KCNIP1: variants seen among roughly 807,000 people sequenced by gnomAD.
The protein encoded by KCNIP1 is potassium voltage-gated channel interacting protein 1.
Under a neutral mutation model 33.0 loss-of-function variants are expected in KCNIP1, and 18 were observed. The ratio of observed to expected loss-of-function variants is 0.55; its 90% CI spans 0.38 to 0.81. The LOEUF (loss-of-function observed/expected upper bound fraction) is 0.81, where lower values mean the gene tolerates loss of function less well. KCNIP1 is among the 30% of genes least tolerant of loss of function. The pLI, the probability that KCNIP1 is intolerant of heterozygous loss-of-function variation, is 0.00. For missense variants in KCNIP1, 238 were observed against 271.6 expected, an observed-to-expected ratio of 0.88 and a Z score of 0.87; for synonymous variants, 93 against 98.3, an observed-to-expected ratio of 0.95 and a Z score of 0.32.
chr5:170,628,975 G>A (rs1357052792), intron 1 of KCNIP1, among the ~76,000 whole-genome samples: 1 of 152,190 alleles, frequency 6.6e-6, no homozygotes, highest in African/African-American at 2.4e-5. Flanking sequence ...AGCCCACCCT[G>A]TGCCTCGTCA....
intron 1 of KCNIP1, among the ~76,000 whole-genome samples, chr5:170,613,028 T>G (rs2113621221): frequency 6.6e-6 from 1 of 152,350 alleles, no homozygotes; most frequent in African/African-American, 2.4e-5. Context: ...AGCACATTTT[T>G]CTAGAACTCA....
At chr5:170,483,101 C>G (rs1391306348) in intron 1 of KCNIP1, 2 of 455,230 alleles carry the variant, frequency 4.4e-6, no homozygotes, top group Non-Finnish European at 4.4e-6. Context: ...AGCCGGATAG[C>G]TTGGGCAGTA....
chr5:170,387,388 T>C (rs567285421), intron 1 of KCNIP1, among the ~76,000 whole-genome samples: 2 of 152,268 alleles, frequency 1.3e-5, no homozygotes, highest in South Asian at 4.1e-4. Context: ...GTTTCAAATA[T>C]TCAGAGATTC....
At chr5:170,406,065 T>C (rs533095185) in intron 1 of KCNIP1, among the ~76,000 whole-genome samples, 1 of 152,346 alleles carries the variant, frequency 6.6e-6, no homozygotes, top group East Asian at 1.9e-4. Context: ...ACTTCCTCAG[T>C]TCCTTGTTTG....
intron 1 of KCNIP1, among the ~76,000 whole-genome samples, chr5:170,620,655 G>C (rs1026754915): frequency 6.6e-6 from 1 of 152,122 alleles, no homozygotes; most frequent in East Asian, 1.9e-4. Flanking sequence ...AGCCGTATCA[G>C]GTTGAATTTT....
rs115838341 is a variant in KCNIP1, at chr5:170,610,376, A to G, written c.61+105743A>G. Among the ~76,000 whole-genome samples, 416 of 152,334 alleles carry G rather than the reference A, an allele frequency of 2.7e-3. 3 individuals are homozygous for G. Among genetic ancestry groups the G allele is most frequent in the African/African-American group, 9.4e-3 (389 of 41,578 alleles). ...TAATAGGCCTTTTTCTTAACTTCCTACTTAGCATACACTCATGAAACCTTC... is the reference window on the plus strand; with the variant it reads ...TAATAGGCCTTTTTCTTAACTTCCTGCTTAGCATACACTCATGAAACCTTC... On this transcript the variant is annotated intron_variant, in intron 1 of 7. Coordinates refer to ENST00000328939, the MANE Select transcript of KCNIP1 (RefSeq NM_014592.4).
intron 1 of KCNIP1, among the ~76,000 whole-genome samples, chr5:170,674,641 G>C (rs775430279): frequency 2.0e-5 from 3 of 152,174 alleles, no homozygotes; most frequent in Non-Finnish European, 4.4e-5. Context: ...TGGGAGAGTA[G>C]GTTCTGAAAT....
chr5:170,657,333 A>G (rs1761311705), intron 1 of KCNIP1, among the ~76,000 whole-genome samples: 1 of 151,876 alleles, frequency 6.6e-6, no homozygotes, highest in Non-Finnish European at 1.5e-5. Flanking sequence ...GGAGGCCCCC[A>G]CTCAGCATTT....
intron 1 of KCNIP1, among the ~76,000 whole-genome samples, chr5:170,590,223 A>G (rs985390876): frequency 1.3e-5 from 2 of 152,044 alleles, no homozygotes; most frequent in Admixed American, 1.3e-4. Context: ...ACCCTCAGAG[A>G]GACAGGGGTC....
intron 1 of KCNIP1, among the ~76,000 whole-genome samples, chr5:170,626,234 C>T (rs1759817410): frequency 1.3e-5 from 2 of 152,218 alleles, no homozygotes; most frequent in South Asian, 4.1e-4. Context: ...CTAACGTTGT[C>T]ATGCAGGTAG....
At chr5:170,570,389 C>T (rs1757362315) in intron 1 of KCNIP1, among the ~76,000 whole-genome samples, 2 of 152,244 alleles carry the variant, frequency 1.3e-5, no homozygotes, top group Non-Finnish European at 2.9e-5. Context: ...ATGCCTGTCT[C>T]CTTTGGAAAA....
chr5:170,582,876 G>A (rs768174791), intron 1 of KCNIP1, among the ~76,000 whole-genome samples: 3 of 152,162 alleles, frequency 2.0e-5, no homozygotes, highest in Non-Finnish European at 2.9e-5. Flanking sequence ...AATTACATGG[G>A]AGCAAACTGC....
chr5:170,717,568 G>A (rs911748259), intron 1 of KCNIP1, among the ~76,000 whole-genome samples: 1 of 152,186 alleles, frequency 6.6e-6, no homozygotes, highest in Non-Finnish European at 1.5e-5. Flanking sequence ...ATATGTACAA[G>A]ATACAAACTT....
chr5:170,723,142 G>A (rs1763888900), intron 5 of KCNIP1, among the ~76,000 whole-genome samples: 1 of 152,174 alleles, frequency 6.6e-6, no homozygotes, highest in South Asian at 2.1e-4. Flanking sequence ...GGAAGGTTAG[G>A]AGCCACAAGT....
At chr5:170,686,889 G>A (rs897013664) in intron 1 of KCNIP1, among the ~76,000 whole-genome samples, 25 of 152,086 alleles carry the variant, frequency 1.6e-4, no homozygotes, top group East Asian at 1.9e-4. Flanking sequence ...AGTCAGAGCC[G>A]TCTGCAGATT....
chr5:170,531,648 G>A (rs759411304), intron 1 of KCNIP1, among the ~76,000 whole-genome samples: 6 of 152,102 alleles, frequency 3.9e-5, no homozygotes, highest in Non-Finnish European at 8.8e-5. Context: ...TTGATAATTC[G>A]CTTTGTTGAA....
chr5:170,536,211 CCA>C (rs1243366496), intron 1 of KCNIP1, among the ~76,000 whole-genome samples: 1 of 152,222 alleles, frequency 6.6e-6, no homozygotes, highest in Non-Finnish European at 1.5e-5. Context: ...CTGATTGAAA[CCA>C]AGGGCTCCTG....
At chr5:170,360,209 G>C (rs922646033) in intron 1 of KCNIP1, among the ~76,000 whole-genome samples, 1 of 152,180 alleles carries the variant, frequency 6.6e-6, no homozygotes, top group Non-Finnish European at 1.5e-5. Context: ...TCTCTCAGCA[G>C]ACCCAGGTCC....
chr5:170,406,260 G>A (rs2113395246), intron 1 of KCNIP1, among the ~76,000 whole-genome samples: 1 of 152,278 alleles, frequency 6.6e-6, no homozygotes, highest in South Asian at 2.1e-4. Flanking sequence ...CGGATCCGTG[G>A]GTCTGGAAGT....
Sources: gnomAD v4.1 joint callset for allele counts (sites outside exome capture counted in the v4.1 genomes callset) on GRCh38, gnomAD v4.1.1 for gene constraint, MANE v1.5 for transcripts, NCBI Gene and HGNC (gene_info 2026-07-23, HGNC 2026-07-21) for gene names.